CMIP: variants seen among roughly 807,000 people sequenced by gnomAD.
CMIP encodes the protein C-Maf-inducing protein.
A neutral mutation model predicts 97.3 loss-of-function variants in CMIP; 13 were observed. The ratio of observed to expected loss-of-function variants is 0.13; its 90% CI spans 0.09 to 0.21. CMIP has a LOEUF of 0.21. CMIP is among the 10% of genes least tolerant of loss of function. The pLI is 1.00. For synonymous variants in CMIP, 538 were observed against 436.3 expected, an observed-to-expected ratio of 1.23 and a Z score of -2.91; for missense variants, 847 against 1,024.9, an observed-to-expected ratio of 0.83 and a Z score of 2.37.
chr16:81,669,838 C>T (rs1257587847), intron 7 of CMIP, among the ~76,000 whole-genome samples: 3 of 152,244 alleles, frequency 2.0e-5, no homozygotes, highest in Admixed American at 2.0e-4. Context: ...CCCAGCCTTT[C>T]TGGCTCTCTT....
At chr16:81,534,758 C>G (rs2090309202) in intron 1 of CMIP, among the ~76,000 whole-genome samples, 1 of 152,068 alleles carries the variant, frequency 6.6e-6, no homozygotes, top group Non-Finnish European at 1.5e-5. Flanking sequence ...TCCTTCCCTC[C>G]AAATAGTTAA....
At chr16:81,694,150 T>A (rs2151084396) in intron 13 of CMIP, among the ~76,000 whole-genome samples, 1 of 151,620 alleles carries the variant, frequency 6.6e-6, no homozygotes, top group East Asian at 1.9e-4. Context: ...TTCTATAGTA[T>A]TCCCAGTGTT....
At chr16:81,447,324 C>T (rs148267402) in intron 1 of CMIP, among the ~76,000 whole-genome samples, 1 of 151,760 alleles carries the variant, frequency 6.6e-6, no homozygotes, top group Non-Finnish European at 1.5e-5. Context: ...CAGTGACCTG[C>T]CATGGGAAGG....
intron 1 of CMIP, among the ~76,000 whole-genome samples, chr16:81,524,649 G>A (rs892047084): frequency 4.6e-5 from 7 of 152,222 alleles, no homozygotes; most frequent in African/African-American, 1.7e-4. Context: ...GCCCACGGTG[G>A]CACAGCTCAT....
At chr16:81,562,824 G>C (rs1357637316) in intron 1 of CMIP, among the ~76,000 whole-genome samples, 4 of 152,208 alleles carry the variant, frequency 2.6e-5, no homozygotes, top group Admixed American at 1.3e-4. Flanking sequence ...GCTCAGAAGG[G>C]TACACTTACT....
intron 1 of CMIP, among the ~76,000 whole-genome samples, chr16:81,558,743 C>T (rs2090818056): frequency 6.6e-6 from 1 of 152,130 alleles, no homozygotes. Flanking sequence ...TGCTTGGCAC[C>T]CCAGGAAGCT....
intron 1 of CMIP, among the ~76,000 whole-genome samples, chr16:81,459,907 C>G (rs1037862032): frequency 1.3e-5 from 2 of 152,228 alleles, no homozygotes; most frequent in Non-Finnish European, 2.9e-5. Flanking sequence ...GGGTCTTCTT[C>G]CTCCGAGCCC....
intron 1 of CMIP, among the ~76,000 whole-genome samples, chr16:81,599,296 G>C (rs1367590980): frequency 6.6e-6 from 1 of 152,174 alleles, no homozygotes; most frequent in Non-Finnish European, 1.5e-5. Flanking sequence ...CGGCATTTGA[G>C]ATTTCTTCTG....
At chr16:81,635,540 C>A (rs1457586356) in intron 3 of CMIP, among the ~76,000 whole-genome samples, 1 of 152,148 alleles carries the variant, frequency 6.6e-6, no homozygotes, top group East Asian at 1.9e-4. Flanking sequence ...TTATGCAGTG[C>A]CATTTGTGTA....
chr16:81,445,607 G>GC, intron 1 of CMIP, 66 bp downstream of exon 1: 1 of 1,480,658 alleles, frequency 6.8e-7, no homozygotes, highest in East Asian at 2.5e-5. Context: ...CTCCCTGGCT[G>GC]CCCCCTGGCG....
At chr16:81,458,812 A>G (rs1363037457) in intron 1 of CMIP, among the ~76,000 whole-genome samples, 5 of 152,212 alleles carry the variant, frequency 3.3e-5, no homozygotes, top group African/African-American at 9.6e-5. Context: ...AGCTGGGGAT[A>G]TAAGAGTAGC....
At chr16:81,662,725 A>C (rs1181139632) in intron 6 of CMIP, among the ~76,000 whole-genome samples, 1 of 152,154 alleles carries the variant, frequency 6.6e-6, no homozygotes. Context: ...TGTGCAGGAC[A>C]CGAGGGAGGG....
chr16:81,556,841 T>C (rs1322262862), intron 1 of CMIP, among the ~76,000 whole-genome samples: 1 of 152,212 alleles, frequency 6.6e-6, no homozygotes, highest in East Asian at 1.9e-4. Flanking sequence ...GGACATTCTG[T>C]ACGGTGCCTG....
rs1222640603 is a variant in CMIP, at chr16:81,614,459, G to C, written c.427-6417G>C. Reference sequence around the variant, plus strand: ...GCATTGGCCTGTGTGCTTGCCAGGAGCCCGGAGGGAAGAGACCTGGAAATG... The same window carrying C: ...GCATTGGCCTGTGTGCTTGCCAGGACCCCGGAGGGAAGAGACCTGGAAATG... On this transcript the variant is annotated intron_variant, in intron 2 of 20. Transcript: ENST00000537098. This position sits in a 1 kb window ranked among gnomAD's most constrained non-coding sequence, Gnocchi z 5.3. Among the ~76,000 whole-genome samples the C allele has an allele frequency of 6.6e-6, 1 of 152,210 alleles. No homozygotes were observed. The highest frequency in any genetic ancestry group is 1.5e-5 in the Non-Finnish European group (1 of 68,046).
intron 1 of CMIP, among the ~76,000 whole-genome samples, chr16:81,562,638 T>A (rs930946791): frequency 6.6e-6 from 1 of 152,232 alleles, no homozygotes; most frequent in Non-Finnish European, 1.5e-5. Flanking sequence ...TGGCCCCAGA[T>A]GGGTGCATTA....
chr16:81,569,297 G>T (rs1216562591), intron 1 of CMIP, among the ~76,000 whole-genome samples: 2 of 152,184 alleles, frequency 1.3e-5, no homozygotes, highest in African/African-American at 4.8e-5. Context: ...ACTTCGCAGA[G>T]GCAAAAACTG....
chr16:81,481,761 G>A (rs1018971144), intron 1 of CMIP, among the ~76,000 whole-genome samples: 1 of 152,140 alleles, frequency 6.6e-6, no homozygotes, highest in Non-Finnish European at 1.5e-5. Context: ...CCTAAGGGAA[G>A]GGTCTGTTGC....
chr16:81,604,225 C>G (rs1170332053), intron 1 of CMIP, among the ~76,000 whole-genome samples: 1 of 151,496 alleles, frequency 6.6e-6, no homozygotes, highest in Non-Finnish European at 1.5e-5. Flanking sequence ...GAAACCCCAT[C>G]TCTACTAAAA....
intron 1 of CMIP, among the ~76,000 whole-genome samples, chr16:81,546,895 C>T (rs749974065): frequency 4.6e-5 from 7 of 152,204 alleles, no homozygotes; most frequent in East Asian, 3.9e-4. Flanking sequence ...TCCGTAGCCA[C>T]GCGTGGCGAA....
Sources: allele counts gnomAD v4.1 joint callset (sites outside exome capture counted in the v4.1 genomes callset), GRCh38; gene constraint gnomAD v4.1.1; non-coding constraint Gnocchi (gnomAD v3.1); transcripts MANE v1.5; gene names NCBI Gene and HGNC (gene_info 2026-07-23, HGNC 2026-07-21).